KANK4: variants seen among roughly 807,000 people sequenced by gnomAD.
KANK4 encodes KN motif and ankyrin repeat domain-containing protein 4.
Under a neutral mutation model 80.8 loss-of-function variants are expected in KANK4, and 50 were observed. That is an observed-to-expected ratio of 0.62 (90% CI 0.49 to 0.78). The LOEUF (loss-of-function observed/expected upper bound fraction) is 0.78, where lower values mean the gene tolerates loss of function less well. Among genes scored for constraint, KANK4 ranks in the 30% least tolerant of loss-of-function variants. The pLI, the probability that KANK4 is intolerant of heterozygous loss-of-function variation, is 0.00. For missense variants in KANK4, 1,196 were observed against 1,240.1 expected (o/e 0.96, Z 0.53); for synonymous variants, 465 against 506.9 (o/e 0.92, Z 1.11).
chr1:62,274,862 C>G lies in KANK4; in HGVS notation c.242G>C (p.Arg81Pro), dbSNP rs377661973. The part of the protein sequence containing the change: ...RNFSLPDSGA[R>P]PPAAPPLQNW... ...TTGGAGGGGCGGGGCTGCAGGGGGG[C>G]GAGCCCCACTGTCAGGAAGGCTGAA... The change falls in exon 3 of 10, where the codon CGC (arginine) becomes CCC (proline). Residue 81 changes from arginine to proline, a missense_variant. Arg to Pro is a moderately radical substitution (Grantham distance 103). This residue lies in a region of KANK4 where 1,154 missense variants were observed against 1,179.6 expected (regional missense o/e 0.98). Coordinates refer to ENST00000371153, the MANE Select transcript of KANK4 (RefSeq NM_181712.5). 1 of 1,614,020 alleles carries G rather than the reference C, an allele frequency of 6.2e-7. No individual in the cohort carries two copies. Among genetic ancestry groups the G allele is most frequent in the Non-Finnish European group, 8.5e-7 (1 of 1,179,926 alleles).
chr1:62,295,416 C>A (rs1432547556), intron 1 of KANK4, among the ~76,000 whole-genome samples: 1 of 152,212 alleles, frequency 6.6e-6, no homozygotes, highest in Non-Finnish European at 1.5e-5. Flanking sequence ...CCTTGGCCTC[C>A]CACAGTGCTG....
intron 9 of KANK4, among the ~76,000 whole-genome samples, chr1:62,239,678 C>G (rs886852435): frequency 2.6e-5 from 4 of 152,132 alleles, no homozygotes; most frequent in South Asian, 2.1e-4. Context: ...CCCCACCCCA[C>G]GACAGGCCCT....
At chr1:62,299,851 G>A (rs933156337) in intron 1 of KANK4, among the ~76,000 whole-genome samples, 1 of 152,108 alleles carries the variant, frequency 6.6e-6, no homozygotes, top group Non-Finnish European at 1.5e-5. Context: ...AAAAGAGTGA[G>A]CCGTTCAAAA....
intron 1 of KANK4, among the ~76,000 whole-genome samples, chr1:62,314,124 C>T (rs941864055): frequency 6.6e-6 from 1 of 152,200 alleles, no homozygotes; most frequent in African/African-American, 2.4e-5. Context: ...AGCGATTCTC[C>T]TGCCTCAGCC....
chr1:62,265,319 C>A (rs1251109932), intron 6 of KANK4, among the ~76,000 whole-genome samples: 2 of 152,024 alleles, frequency 1.3e-5, no homozygotes, highest in Non-Finnish European at 2.9e-5. Context: ...CAGCTCACTG[C>A]AGCCTCAACC....
At chr1:62,238,420 A>C (rs778753535) in intron 9 of KANK4, 39 bp from the exon 10 acceptor site, 12 of 1,576,732 alleles carry the variant, frequency 7.6e-6, no homozygotes, top group Non-Finnish European at 8.7e-6. Flanking sequence ...AATATCATCC[A>C]ATCTGCCTCC....
intron 7 of KANK4, among the ~76,000 whole-genome samples, chr1:62,260,016 C>T (rs1172008533): frequency 6.6e-6 from 1 of 152,108 alleles, no homozygotes; most frequent in Non-Finnish European, 1.5e-5. Context: ...TACCCCTTTC[C>T]AGTCTGTAAC....
Position 62,237,591 on chromosome 1 carries a change from T to A in KANK4, c.*686A>T, listed in dbSNP as rs1182000354. On this transcript the variant is annotated 3_prime_UTR_variant, in exon 10 of 10. Coordinates refer to ENST00000371153, the MANE Select transcript of KANK4 (RefSeq NM_181712.5). ...AATAAATTTCTTAATTAATTCCAAT[T>A]TCCCTGGAGCAAATTGGAGCCACTA... is the stretch of plus-strand genomic sequence containing the variant. 2 of 152,148 alleles carry A rather than the reference T, an allele frequency of 1.3e-5. No individual in the cohort carries two copies. The highest frequency in any genetic ancestry group is 3.8e-4 in the East Asian group (2 of 5,202). 9.4% of individuals were successfully genotyped at this position (152,148 alleles called of 1,614,324 possible). A position where few individuals can be genotyped will look rare whatever the true frequency, so the allele number is the denominator to read the frequency against.
chr1:62,306,793 G>A (rs1644455270), intron 1 of KANK4, among the ~76,000 whole-genome samples: 1 of 151,958 alleles, frequency 6.6e-6, no homozygotes, highest in Non-Finnish European at 1.5e-5. Context: ...ATTATTTAGA[G>A]GAATAGTAAT....
At chr1:62,255,678 G>C (rs901390076) in intron 7 of KANK4, among the ~76,000 whole-genome samples, 4 of 152,096 alleles carry the variant, frequency 2.6e-5, no homozygotes, top group African/African-American at 7.2e-5. Flanking sequence ...ATTGAGACAG[G>C]GTTTGGCTCT....
chr1:62,256,206 A>G (rs918735907), intron 7 of KANK4, among the ~76,000 whole-genome samples: 2 of 152,102 alleles, frequency 1.3e-5, no homozygotes, highest in African/African-American at 2.4e-5. Flanking sequence ...CACAGTAAAC[A>G]CTCGGTAAGA....
chr1:62,242,995 C>T (rs1671379994), intron 9 of KANK4, among the ~76,000 whole-genome samples: 1 of 152,176 alleles, frequency 6.6e-6, no homozygotes, highest in Non-Finnish European at 1.5e-5. Flanking sequence ...AACCCTGACC[C>T]AGGTGGGCAG....
intron 1 of KANK4, among the ~76,000 whole-genome samples, chr1:62,283,970 T>C (rs1557496880): frequency 1.3e-5 from 2 of 152,200 alleles, no homozygotes; most frequent in Non-Finnish European, 2.9e-5. Context: ...AAATTAATCA[T>C]TTCAAGGCTA....
In KANK4 at chr1:62,274,706, A is replaced by G; in HGVS notation, c.398T>C (p.Leu133Ser). 1 of 1,614,196 alleles carries G rather than the reference A, an allele frequency of 6.2e-7. No homozygotes were observed. Among genetic ancestry groups the G allele is most frequent in the South Asian group, 1.1e-5 (1 of 91,084 alleles). Residue 133 changes from leucine to serine, a missense_variant, in exon 3 of 10, where the codon TTG (leucine) becomes TCG (serine). Leu to Ser is a moderately radical substitution (Grantham distance 145). Coordinates refer to ENST00000371153, the MANE Select transcript of KANK4 (RefSeq NM_181712.5). ...TTCCAACTGTCTGGTGGCCTCTGCC[A>G]ACAGAGCCTTCCTGTGGTAGCTCAC... ...SEVSYHRKALLAEATRQLEAA... is the reference protein window; with the variant it reads ...SEVSYHRKALSAEATRQLEAA...
In KANK4 at chr1:62,238,226, G is replaced by A; in HGVS notation, c.*51C>T. Reference sequence around the variant, plus strand: ...TCTGCCCTCTTCAAGGGCGAGGGAGGAGTCCAGAGAAGAAGGCTTTTGTTC... The same window carrying A: ...TCTGCCCTCTTCAAGGGCGAGGGAGAAGTCCAGAGAAGAAGGCTTTTGTTC... On this transcript the variant is annotated 3_prime_UTR_variant, in exon 10 of 10. Transcript: ENST00000371153. 1 of 1,350,486 alleles carries A rather than the reference G, an allele frequency of 7.4e-7. No homozygotes were observed. The highest frequency in any genetic ancestry group is 1.1e-6 in the Non-Finnish European group (1 of 945,266). 83.7% of individuals were successfully genotyped at this position (1,350,486 alleles called of 1,614,324 possible). A position where few individuals can be genotyped will look rare whatever the true frequency, so the allele number is the denominator to read the frequency against.
intron 1 of KANK4, among the ~76,000 whole-genome samples, chr1:62,294,793 CGGCAGCAT>C (rs1344791675): frequency 6.6e-6 from 1 of 152,194 alleles, no homozygotes; most frequent in Non-Finnish European, 1.5e-5. Context: ...CACCCAGCCT[CGGCAGCAT>C]GCCAGCCAGA....
Position 62,257,443 on chromosome 1 carries a change from ACT to A in KANK4, c.2540-4236_2540-4235del, listed in dbSNP as rs564808531. Reference sequence around the variant, plus strand: ...GAGCAGCCATCAGGCAGCAAAGCCAACTCTCCCTGGAGGTGACAGAGGAGCAA... The same window carrying A: ...GAGCAGCCATCAGGCAGCAAAGCCAACTCCCTGGAGGTGACAGAGGAGCAA... On this transcript the variant is annotated intron_variant, in intron 7 of 9. Transcript: ENST00000371153. 2.6e-5 allele frequency among the ~76,000 whole-genome samples: 4 copies of A among 151,936 alleles called. No homozygotes were observed. In the East Asian group the frequency reaches 7.8e-4, roughly 30 times the overall value.
chr1:62,276,454 G>C (rs1333863837), intron 2 of KANK4, among the ~76,000 whole-genome samples: 4 of 152,114 alleles, frequency 2.6e-5, no homozygotes, highest in Non-Finnish European at 5.9e-5. Flanking sequence ...CATCTGTAAA[G>C]TGGGAATAAT....
intron 7 of KANK4, among the ~76,000 whole-genome samples, chr1:62,255,853 T>C (rs1478476068): frequency 6.6e-6 from 1 of 152,172 alleles, no homozygotes; most frequent in Non-Finnish European, 1.5e-5. Flanking sequence ...TTTCACTATG[T>C]TGCCCAGACT....
Sources: allele counts gnomAD v4.1 joint callset (sites outside exome capture counted in the v4.1 genomes callset), GRCh38; gene constraint gnomAD v4.1.1; regional missense constraint gnomAD v4.1.1; transcripts MANE v1.5; gene names NCBI Gene and HGNC (gene_info 2026-07-23, HGNC 2026-07-21).